CELF5: variants seen among roughly 807,000 people sequenced by gnomAD.
The protein encoded by CELF5 is CUGBP Elav-like family member 5.
A neutral mutation model predicts 54.9 loss-of-function variants in CELF5; 6 were observed. The ratio of observed to expected loss-of-function variants is 0.11; its 90% CI spans 0.06 to 0.22. The LOEUF (loss-of-function observed/expected upper bound fraction) is 0.22, where lower values mean the gene tolerates loss of function less well. Ranked by LOEUF, CELF5 falls within the 10% of genes least tolerant of loss-of-function variation. The pLI, the probability that CELF5 is intolerant of heterozygous loss-of-function variation, is 1.00. For missense variants in CELF5, 401 were observed against 678.6 expected (o/e 0.59, Z 4.54); for synonymous variants, 271 against 290.9 (o/e 0.93, Z 0.70).
chr19:3,224,838 G>C lies in CELF5; in HGVS notation c.99G>C (p.Gly33=). 1 of 1,591,752 alleles carries C rather than the reference G, an allele frequency of 6.3e-7. No individual in the cohort carries two copies. Among genetic ancestry groups the C allele is most frequent in the South Asian group, 1.1e-5 (1 of 88,164 alleles). Residue 33 remains glycine (G), a synonymous_variant, in exon 1 of 13, where the codon GGG becomes GGC. Coordinates refer to ENST00000292672, the MANE Select transcript of CELF5 (RefSeq NM_021938.4). ...GCAGCAGCGGGCCCGAGCCCCCCGGGGGGCAGCCCGACGGCATGAAGGACC... is the reference window on the plus strand; with the variant it reads ...GCAGCAGCGGGCCCGAGCCCCCCGGCGGGCAGCCCGACGGCATGAAGGACC... ...PVGSSGPEPP[G]GQPDGMKDLD...
intron 1 of CELF5, among the ~76,000 whole-genome samples, chr19:3,242,305 G>T (rs146710306): frequency 1.4e-4 from 21 of 152,016 alleles, no homozygotes; most frequent in African/African-American, 4.3e-4. Flanking sequence ...AGGCTGAGGC[G>T]GGCAGATTAC....
chr19:3,284,678 GAGAAAC>G, intron 8 of CELF5: 1 of 575,290 alleles, frequency 1.7e-6, no homozygotes, highest in South Asian at 2.1e-5. Flanking sequence ...TCTGGAGTCC[GAGAAAC>G]CCGGATTCCA....
intron 12 of CELF5, chr19:3,294,407 ATTTTTTT>A (rs35143238): frequency 6.8e-6 from 1 of 147,828 alleles, no homozygotes. Context: ...ATTCGTTTTG[ATTTTTTT>A]TTTTTTTAAA....
chr19:3,262,973 T>C (rs767012224), intron 2 of CELF5, among the ~76,000 whole-genome samples: 2 of 145,098 alleles, frequency 1.4e-5, no homozygotes, highest in Admixed American at 1.4e-4. Context: ...ATAGATAAAT[T>C]TGTGGCTCAC....
chr19:3,227,608 C>T (rs781045210), intron 1 of CELF5, among the ~76,000 whole-genome samples: 2 of 152,006 alleles, frequency 1.3e-5, no homozygotes, highest in South Asian at 2.1e-4. Context: ...GGTACAAGCC[C>T]GGAGGGGGTC....
rs559381338 is a variant in CELF5, at chr19:3,236,711, G to A, written c.259+11713G>A. 1.2e-3 allele frequency among the ~76,000 whole-genome samples: 177 copies of A among 152,264 alleles called. 1 individual carries two copies. The highest frequency in any genetic ancestry group is 3.8e-3 in the African/African-American group (158 of 41,538). On this transcript the variant is annotated intron_variant, in intron 1 of 12. Coordinates refer to ENST00000292672, the MANE Select transcript of CELF5 (RefSeq NM_021938.4). ...GGACAAAAATGAATCTAGGCCAGGC[G>A]CGATGGCTCACGCCTACAATCCCAG...
intron 8 of CELF5, among the ~76,000 whole-genome samples, chr19:3,283,031 A>G (rs548694740): frequency 6.6e-6 from 1 of 152,268 alleles, no homozygotes; most frequent in South Asian, 2.1e-4. Flanking sequence ...GGGTTTCACC[A>G]TGTTGGCCAG....
At chr19:3,292,482 C>T (rs1437777506) in intron 11 of CELF5, among the ~76,000 whole-genome samples, 1 of 151,800 alleles carries the variant, frequency 6.6e-6, no homozygotes, top group Non-Finnish European at 1.5e-5. Flanking sequence ...CGGGGTTTGA[C>T]CATGTTGGCC....
At chr19:3,271,606 C>G (rs1184969351) in intron 2 of CELF5, among the ~76,000 whole-genome samples, 6 of 152,012 alleles carry the variant, frequency 3.9e-5, no homozygotes. Context: ...GACATACACT[C>G]AGGAAGGAGG....
chr19:3,248,286 G>T (rs1293235993), intron 1 of CELF5, among the ~76,000 whole-genome samples: 1 of 152,202 alleles, frequency 6.6e-6, no homozygotes, highest in South Asian at 2.1e-4. Flanking sequence ...CTCCTAAAGT[G>T]CTGGGATGAC....
In CELF5 at chr19:3,228,035, G is replaced by T. The variant is rs1235545712; in HGVS notation, c.259+3037G>T. On this transcript the variant is annotated intron_variant, in intron 1 of 12. Coordinates refer to ENST00000292672, the MANE Select transcript of CELF5 (RefSeq NM_021938.4). The surrounding 1 kb of genome is among the most constrained non-coding windows in gnomAD (Gnocchi z 6.0). ...AGGCCTCATCCAGGAGCGGGGCAGG[G>T]GTAGGGGGAGAGGGATGCGTCGAGG... 6.6e-6 allele frequency among the ~76,000 whole-genome samples: 1 copy of T among 152,148 alleles called. No individual in the cohort carries two copies. The highest frequency in any genetic ancestry group is 1.5e-5 in the Non-Finnish European group (1 of 68,022).
At chr19:3,276,023 C>T (rs766787304) in intron 4 of CELF5, 39 bp downstream of exon 4, 14 of 170,962 alleles carry the variant, frequency 8.2e-5, no homozygotes, top group Admixed American at 6.1e-4. Context: ...CGAGAGGGGC[C>T]GGGCTAGCTC....
chr19:3,285,618 A>G (rs1425273765), intron 9 of CELF5, among the ~76,000 whole-genome samples: 25 of 74,132 alleles, frequency 3.4e-4, no homozygotes, highest in Non-Finnish European at 5.7e-4. Context: ...CCCGCCCTCT[A>G]CTGTGGCCCA....
chr19:3,285,011 GCC>G, intron 9 of CELF5, 47 bp downstream of exon 9: 1 of 1,408,552 alleles, frequency 7.1e-7, no homozygotes, highest in Non-Finnish European at 9.7e-7. Context: ...CCCCGCCCCC[GCC>G]TAGGGCCCCG....
intron 10 of CELF5, among the ~76,000 whole-genome samples, chr19:3,289,726 A>T (rs561631581): frequency 6.8e-6 from 1 of 147,606 alleles, no homozygotes; most frequent in Non-Finnish European, 1.5e-5. Context: ...TTAGCAACGC[A>T]TGGTGGCTGA....
At chr19:3,253,781 T>G (rs920317075) in intron 2 of CELF5, among the ~76,000 whole-genome samples, 3 of 149,684 alleles carry the variant, frequency 2.0e-5, no homozygotes, top group African/African-American at 7.4e-5. Context: ...CATCTAAGTT[T>G]AGTGAACCAT....
intron 10 of CELF5, among the ~76,000 whole-genome samples, chr19:3,289,636 C>T (rs891654082): frequency 6.2e-5 from 8 of 130,076 alleles, no homozygotes; most frequent in Non-Finnish European, 1.2e-4. Flanking sequence ...GAGCCGAGAT[C>T]GCACCACTGC....
At chr19:3,271,206 G>A (rs1309342187) in intron 2 of CELF5, among the ~76,000 whole-genome samples, 1 of 150,430 alleles carries the variant, frequency 6.6e-6, no homozygotes, top group Non-Finnish European at 1.5e-5. Flanking sequence ...AGGGGTGGGG[G>A]GAGCAGGAGT....
intron 1 of CELF5, among the ~76,000 whole-genome samples, chr19:3,227,531 G>A (rs1430426748): frequency 3.9e-5 from 6 of 152,090 alleles, no homozygotes; most frequent in Non-Finnish European, 8.8e-5. Context: ...ATGAGACTGG[G>A]CACAGGAGAT....
Sources: allele counts gnomAD v4.1 joint callset (sites outside exome capture counted in the v4.1 genomes callset), GRCh38; gene constraint gnomAD v4.1.1; non-coding constraint Gnocchi (gnomAD v3.1); transcripts MANE v1.5; gene names NCBI Gene and HGNC (gene_info 2026-07-23, HGNC 2026-07-21).